The following TOP3B variants were observed in gnomAD, a reference collection of about 807,000 sequenced individuals.
The protein encoded by TOP3B is DNA topoisomerase 3-beta-1.
In TOP3B, 45 loss-of-function variants were observed where a neutral mutation model predicts 93.9. The observed-to-expected ratio is 0.48, with a 90% CI of 0.38 to 0.61. The LOEUF (loss-of-function observed/expected upper bound fraction) is 0.61. TOP3B is among the 20% of genes least tolerant of loss of function. TOP3B has a pLI of 0.00. For missense variants in TOP3B, 750 were observed against 1,156.1 expected (o/e 0.65, Z 5.09); for synonymous variants, 357 against 472.6 (o/e 0.76, Z 3.17).
intron 3 of TOP3B, chr22:21,974,006 G>A: frequency 5.9e-6 from 1 of 170,616 alleles, no homozygotes; most frequent in East Asian, 1.7e-4. Context: ...GCCACCAAAT[G>A]ACCGACAGAT....
intron 3 of TOP3B, chr22:21,972,971 A>G: frequency 2.1e-6 from 1 of 482,028 alleles, no homozygotes; most frequent in Non-Finnish European, 3.7e-6. Flanking sequence ...CACAGGAGCC[A>G]AGCAAGCTCT....
At position 21,958,492 on chromosome 22, in the gene TOP3B, C is replaced by T; in HGVS notation, c.2107G>A (p.Gly703Ser). 6.2e-7 allele frequency: 1 copy of T among 1,613,946 alleles called. No homozygotes were observed. The highest frequency in any genetic ancestry group is 8.5e-7 in the Non-Finnish European group (1 of 1,180,028). Residue 703 changes from glycine (G) to serine (S), a missense_variant and splice_region_variant, in exon 17 of 18, where the codon GGC becomes AGC. Transcript: ENST00000357179. Reference protein sequence around the residue: ...NHPPFRDMKKGMGCNECTHPS... With the variant: ...NHPPFRDMKKSMGCNECTHPS... The stretch of plus-strand genomic sequence containing the variant: ...GACAGGAGGGAGTGGCTGCACTCAC[C>T]TTTCTTCATGTCTCGGAAGGGTGGG...
chr22:21,981,762 C>T (rs2084636672), intron 1 of TOP3B, among the ~76,000 whole-genome samples: 1 of 152,090 alleles, frequency 6.6e-6, no homozygotes. Context: ...CGCCACTGCA[C>T]TCCAGCCTGG....
intron 1 of TOP3B, among the ~76,000 whole-genome samples, chr22:21,977,966 CA>C (rs1359657003): frequency 6.6e-6 from 1 of 151,674 alleles, no homozygotes; most frequent in East Asian, 1.9e-4. Context: ...AGAGTCCAGG[CA>C]GAAGGAGCAG....
intron 1 of TOP3B, chr22:21,982,054 A>C (rs1480044603): frequency 6.6e-6 from 1 of 152,192 alleles, no homozygotes; most frequent in Non-Finnish European, 1.5e-5. Flanking sequence ...GAGTAAATGG[A>C]GGTTCAGAAC....
At chr22:21,976,759 A>G (rs1351696530) in intron 1 of TOP3B, 1 of 152,260 alleles carries the variant, frequency 6.6e-6, no homozygotes, top group Non-Finnish European at 1.5e-5. Context: ...AATACCTGCT[A>G]GCCAAGTAAA....
chr22:21,977,482 T>A (rs1047680065), intron 1 of TOP3B: 1 of 135,892 alleles, frequency 7.4e-6, no homozygotes, highest in Non-Finnish European at 1.5e-5. Context: ...TGAGCCGAGA[T>A]CATGCTATTG....
In TOP3B at chr22:21,964,322, G is replaced by C; in HGVS notation, c.944-7C>G. 1 of 1,613,044 alleles carries C rather than the reference G, an allele frequency of 6.2e-7. No individual in the cohort carries two copies. The highest frequency in any genetic ancestry group is 1.7e-5 in the Admixed American group (1 of 60,018). ...GCGTGCTGCGGCCCCATGCCTGCGA[G>C]AGACAGGAGGTTCTCAGAGGGCCAG... On this transcript the variant is annotated splice_region_variant and splice_polypyrimidine_tract_variant and intron_variant, in intron 9 of 17. Coordinates refer to ENST00000357179, the MANE Select transcript of TOP3B (RefSeq NM_001282112.2).
chr22:21,970,001 C>T lies in TOP3B; in HGVS notation c.581+209G>A. 2.0e-6 allele frequency: 1 copy of T among 507,304 alleles called. No individual in the cohort carries two copies. Among genetic ancestry groups the T allele is most frequent in the East Asian group, 3.0e-5 (1 of 32,988 alleles). The allele number at this position is 507,304 out of a possible 1,614,324, so 31.4% of individuals were successfully genotyped here. A position where few individuals can be genotyped will look rare whatever the true frequency, so the allele number is the denominator to read the frequency against. On this transcript the variant is annotated intron_variant, in intron 6 of 17. Coordinates refer to ENST00000357179, the MANE Select transcript of TOP3B (RefSeq NM_001282112.2). This position sits in a 1 kb window ranked among gnomAD's most constrained non-coding sequence, Gnocchi z 4.4. ...CCCAGGCTGGTCTCAAACTGCCAACCTCAAGCAATCCTCCTATCCTGGTCT... is the reference window on the plus strand; with the variant it reads ...CCCAGGCTGGTCTCAAACTGCCAACTTCAAGCAATCCTCCTATCCTGGTCT...
intron 3 of TOP3B, 142 bp downstream of exon 3, chr22:21,974,215 T>A (rs371443051): frequency 3.7e-6 from 4 of 1,086,238 alleles, no homozygotes; most frequent in Non-Finnish European, 1.3e-6. Context: ...ACCCTCTCAT[T>A]GCTACTTCAT....
In TOP3B at chr22:21,971,193, G is replaced by T; in HGVS notation, c.384+684C>A. On this transcript the variant is annotated intron_variant, in intron 5 of 17. Transcript: ENST00000357179. The surrounding 1 kb of genome is among the most constrained non-coding windows in gnomAD (Gnocchi z 4.6). ...CAGAGTGTGATCGCATTTGCTGAGG[G>T]TGCTGTACTGCAACGCCAGGTGCCT... 1 of 487,686 alleles carries T rather than the reference G, an allele frequency of 2.1e-6. No individual in the cohort carries two copies. The highest frequency in any genetic ancestry group is 3.4e-6 in the Non-Finnish European group (1 of 296,448). The allele number at this position is 487,686 out of a possible 1,614,324, so 30.2% of individuals were successfully genotyped here.
intron 6 of TOP3B, chr22:21,969,966 TG>T (rs2071568068): frequency 5.3e-6 from 2 of 376,042 alleles, no homozygotes; most frequent in Middle Eastern, 6.9e-4. Flanking sequence ...GATGGGGTCT[TG>T]TTATGCTGCC....
In TOP3B at chr22:21,962,559, C is replaced by G. The variant is rs745942073; in HGVS notation, c.1395G>C (p.Glu465Asp). 1 of 1,613,584 alleles carries G rather than the reference C, an allele frequency of 6.2e-7. No homozygotes were observed. The highest frequency in any genetic ancestry group is 1.1e-5 in the South Asian group (1 of 91,070). The part of the protein sequence containing the change: ...VMPWQSVPLE[E>D]SLPTCQRGDA... ...CACCCCGCTGGCAAGTGGGCAGGCT[C>G]TCCTCCAGGGGCACGCTCTGCCAGG... Residue 465 changes from glutamate (E) to aspartate (D), a missense_variant, in exon 13 of 18, where the codon GAG (glutamate) becomes GAC (aspartate). This residue lies in a region of TOP3B where 737 missense variants were observed against 933.7 expected (regional missense o/e 0.79). Transcript: ENST00000357179.
chr22:21,976,606 C>G (rs926274360), intron 1 of TOP3B: 15 of 152,188 alleles, frequency 9.9e-5, no homozygotes, highest in African/African-American at 3.6e-4. Flanking sequence ...GCCCACAGCT[C>G]TTGGGCTAGG....
At chr22:21,957,627 GCCCACTGTGCCCA>G in intron 17 of TOP3B, 32 bp from the exon 18 acceptor site, 1 of 1,251,024 alleles carries the variant, frequency 8.0e-7, no homozygotes, top group South Asian at 1.5e-5. Flanking sequence ...GTAAAGGCAC[GCCCACTGTGCCCA>G]CCTGCCCTCT....
At position 21,971,503 on chromosome 22, in the gene TOP3B, G is replaced by A; in HGVS notation, c.384+374C>T. On this transcript the variant is annotated intron_variant, in intron 5 of 17. Coordinates refer to ENST00000357179, the MANE Select transcript of TOP3B (RefSeq NM_001282112.2). This position sits in a 1 kb window ranked among gnomAD's most constrained non-coding sequence, Gnocchi z 4.6. The stretch of plus-strand genomic sequence containing the variant: ...AGGCCTGCAAAAGGAGCTCAGTGCT[G>A]AGGTCGGGAATCAACCAGCATCAAC... The A allele has an allele frequency of 2.8e-6, 1 of 351,120 alleles. No homozygotes were observed. Among genetic ancestry groups the A allele is most frequent in the Non-Finnish European group, 5.6e-6 (1 of 179,442 alleles). The allele number at this position is 351,120 out of a possible 1,614,324, so 21.8% of individuals were successfully genotyped here.
intron 8 of TOP3B, chr22:21,965,809 A>C (rs929668174): frequency 7.8e-5 from 12 of 154,712 alleles, no homozygotes; most frequent in African/African-American, 2.9e-4. Flanking sequence ...GGTTGCAGTG[A>C]GCTGAGACCA....
At chr22:21,959,517 TC>T in intron 15 of TOP3B, 69 bp downstream of exon 15, 1 of 1,531,966 alleles carries the variant, frequency 6.5e-7, no homozygotes, top group Non-Finnish European at 8.8e-7. Flanking sequence ...GGGACCTGGG[TC>T]CCCAGGTACT....
Position 21,958,649 on chromosome 22 carries a change from G to A in TOP3B, c.1950C>T (p.Tyr650=). ...TGATGGTGCCGTTCTGGGGGAGCGT[G>A]TAGGTCTCATCGCAGTGGGAGCAGT... ...RLHCSHCDET[Y]TLPQNGTIKL... The change falls in exon 17 of 18, where the codon TAC becomes TAT. Residue 650 remains tyrosine (Y), a synonymous_variant. Coordinates refer to ENST00000357179, the MANE Select transcript of TOP3B (RefSeq NM_001282112.2). 6.2e-7 allele frequency: 1 copy of A among 1,613,396 alleles called. No individual in the cohort carries two copies. Among genetic ancestry groups the A allele is most frequent in the Non-Finnish European group, 8.5e-7 (1 of 1,179,662 alleles).
Sources: allele counts gnomAD v4.1 joint callset (sites outside exome capture counted in the v4.1 genomes callset), GRCh38; gene constraint gnomAD v4.1.1; regional missense constraint gnomAD v4.1.1; non-coding constraint Gnocchi (gnomAD v3.1); transcripts MANE v1.5; gene names NCBI Gene and HGNC (gene_info 2026-07-23, HGNC 2026-07-21).